The following METTL15 variants were observed in gnomAD, a reference collection of about 807,000 sequenced individuals.
The protein encoded by METTL15 is methyltransferase 15, mitochondrial 12S rRNA N4-cytidine, also known as 12S rRNA N(4)-cytidine methyltransferase METTL15.
METTL15 carries 34 observed loss-of-function variants against 38.3 expected under a neutral mutation model. The observed-to-expected ratio is 0.89, with a 90% CI of 0.68 to 1.18. The LOEUF (loss-of-function observed/expected upper bound fraction) is 1.18. Ranked by LOEUF, METTL15 falls within the 50% of genes most tolerant of loss-of-function variation. The pLI is 0.00. For missense variants in METTL15, 438 were observed against 498.4 expected, an observed-to-expected ratio of 0.88 and a Z score of 1.15; for synonymous variants, 162 against 170.9, an observed-to-expected ratio of 0.95 and a Z score of 0.41.
chr11:28,300,378 G>C (rs1856871797), intron 6 of METTL15, among the ~76,000 whole-genome samples: 1 of 152,104 alleles, frequency 6.6e-6, no homozygotes, highest in Non-Finnish European at 1.5e-5. Context: ...TAATAATTCA[G>C]TAGGACAAGG....
chr11:28,183,430 C>T (rs563832769), intron 3 of METTL15, among the ~76,000 whole-genome samples: 1 of 151,964 alleles, frequency 6.6e-6, no homozygotes, highest in South Asian at 2.1e-4. Flanking sequence ...GAGGTACGTC[C>T]CTTAGATACC....
intron 5 of METTL15, among the ~76,000 whole-genome samples, chr11:28,417,419 G>A (rs536709825): frequency 2.0e-5 from 3 of 152,260 alleles, no homozygotes; most frequent in South Asian, 2.1e-4. Context: ...ATATTGGATG[G>A]CAATTATTTG....
At chr11:28,186,070 T>G (rs1905468) in intron 3 of METTL15, among the ~76,000 whole-genome samples, 150,334 of 150,902 alleles carry the variant, frequency 1, 74,890 homozygotes, top group Middle Eastern at 1. Flanking sequence ...GGGTTTGGGG[T>G]TCTAATGAAC....
chr11:28,381,835 A>G (rs1047510759), intron 5 of METTL15, among the ~76,000 whole-genome samples: 17 of 151,934 alleles, frequency 1.1e-4, no homozygotes, highest in African/African-American at 3.6e-4. Context: ...GATAATTCAC[A>G]TATTGCTATC....
Position 28,417,257 on chromosome 11 carries a change from C to G in METTL15, c.*359-7042C>G, listed in dbSNP as rs879572931. Among the ~76,000 whole-genome samples, 79 of 152,172 alleles carry G rather than the reference C, an allele frequency of 5.2e-4. 1 individual carries two copies. The highest frequency in any genetic ancestry group is 1.9e-4 in the Non-Finnish European group (13 of 68,030). ...ATTCCATCCAGCAGAATTCTTATCT[C>G]AAGTTTGCTCTGATTTTGGTGACCC... On this transcript the variant is annotated intron_variant and NMD_transcript_variant, in intron 5 of 7. Coordinates refer to the METTL15 transcript ENST00000532947.
chr11:28,374,465 T>G (rs1014697132), intron 5 of METTL15, among the ~76,000 whole-genome samples: 4 of 146,544 alleles, frequency 2.7e-5, no homozygotes, highest in Non-Finnish European at 6.1e-5. Flanking sequence ...CGCTCTCTGT[T>G]TGTCTGTTGT....
Position 28,226,067 on chromosome 11 carries a change from C to T in METTL15, c.407+14869C>T, listed in dbSNP as rs117551131. On this transcript the variant is annotated intron_variant, in intron 4 of 6. Coordinates refer to ENST00000407364, the MANE Select transcript of METTL15 (RefSeq NM_001113528.2). ...TTTTCTTATTTAATTTGTTGACTTT[C>T]TCCTTTCTGCCAAATCCTTTTTATT... is the stretch of plus-strand genomic sequence containing the variant. Among the ~76,000 whole-genome samples, 1,205 of 151,980 alleles carry T rather than the reference C, an allele frequency of 7.9e-3. 11 individuals carry two copies. The highest frequency in any genetic ancestry group is 0.014 in the Non-Finnish European group (919 of 67,842).
rs527672886 is a variant in METTL15 at position 28,407,463 on chromosome 11, C to G, written c.*359-16836C>G. On this transcript the variant is annotated intron_variant and NMD_transcript_variant, in intron 5 of 7. Coordinates refer to the METTL15 transcript ENST00000532947. ...TCTGGAAGGAGCTTAAACAAATTTG[C>G]AAGAAAAAAAACAACCCCTTTAAAA... Among the ~76,000 whole-genome samples the G allele has an allele frequency of 3.3e-5, 5 of 151,552 alleles. No homozygotes were observed. The South Asian group carries it at 6.3e-4, about 19-fold the overall frequency.
intron 6 of METTL15, among the ~76,000 whole-genome samples, chr11:28,501,265 G>A (rs1851580717): frequency 6.6e-6 from 1 of 152,204 alleles, no homozygotes; most frequent in South Asian, 2.1e-4. Context: ...GTGATTTAAA[G>A]AAAATGCTGA....
At chr11:28,341,932 A>G (rs191453936) in intron 3 of METTL15, among the ~76,000 whole-genome samples, 20 of 152,270 alleles carry the variant, frequency 1.3e-4, no homozygotes, top group Admixed American at 9.8e-4. Context: ...GGGGTAGACT[A>G]TGATGTAAAA....
chr11:28,200,472 T>C (rs1286119273), intron 3 of METTL15, among the ~76,000 whole-genome samples: 1 of 152,298 alleles, frequency 6.6e-6, no homozygotes, highest in African/African-American at 2.4e-5. Flanking sequence ...ATAGTCGTTA[T>C]TATTACTCTT....
intron 4 of METTL15, among the ~76,000 whole-genome samples, chr11:28,259,316 G>A (rs1855102724): frequency 1.3e-5 from 2 of 151,970 alleles, no homozygotes; most frequent in Non-Finnish European, 2.9e-5. Flanking sequence ...GTCTCCTTTA[G>A]AGTCATGAGG....
chr11:28,341,244 A>G (rs1007065884), intron 3 of METTL15, among the ~76,000 whole-genome samples: 2 of 152,188 alleles, frequency 1.3e-5, no homozygotes, highest in African/African-American at 4.8e-5. Context: ...GGATGCAACA[A>G]ACCACCATGG....
chr11:28,168,197 A>G (rs1850722664), intron 3 of METTL15, among the ~76,000 whole-genome samples: 1 of 151,928 alleles, frequency 6.6e-6, no homozygotes, highest in Non-Finnish European at 1.5e-5. Context: ...TCAGGCATGG[A>G]TGTTTTTCTT....
chr11:28,490,007 G>A (rs1851481076), intron 6 of METTL15, among the ~76,000 whole-genome samples: 1 of 152,046 alleles, frequency 6.6e-6, no homozygotes, highest in South Asian at 2.1e-4. Flanking sequence ...CATTTACAGT[G>A]GTGCTAGTGG....
chr11:28,376,507 C>G (rs1162557649), intron 5 of METTL15, among the ~76,000 whole-genome samples: 5 of 151,618 alleles, frequency 3.3e-5, no homozygotes, highest in Non-Finnish European at 7.4e-5. Context: ...TTTTTGTTTT[C>G]CATTTGCTTG....
At chr11:28,266,084 A>G (rs976199425) in intron 4 of METTL15, among the ~76,000 whole-genome samples, 1 of 152,174 alleles carries the variant, frequency 6.6e-6, no homozygotes, top group Non-Finnish European at 1.5e-5. Context: ...GATGTGGAGA[A>G]ATAGGAACAC....
intron 3 of METTL15, among the ~76,000 whole-genome samples, chr11:28,206,479 G>A (rs1243957356): frequency 2.0e-5 from 3 of 151,896 alleles, no homozygotes; most frequent in Non-Finnish European, 4.4e-5. Flanking sequence ...CTCTGTTTTG[G>A]TACCAGTACC....
intron 3 of METTL15, chr11:28,125,360 T>G (rs1852429028): frequency 6.6e-6 from 1 of 151,948 alleles, no homozygotes; most frequent in Non-Finnish European, 1.5e-5. Flanking sequence ...TTGTGTAGGG[T>G]CAAATTCTCC....
Sources: gnomAD v4.1 joint callset for allele counts (sites outside exome capture counted in the v4.1 genomes callset) on GRCh38, gnomAD v4.1.1 for gene constraint, MANE v1.5 for transcripts, NCBI Gene and HGNC (gene_info 2026-07-23, HGNC 2026-07-21) for gene names.